SNTG2: variants seen among roughly 807,000 people sequenced by gnomAD.
The protein encoded by SNTG2 is syntrophin gamma 2.
A neutral mutation model predicts 70.9 loss-of-function variants in SNTG2; 74 were observed. The observed-to-expected ratio is 1.04, with a 90% CI of 0.86 to 1.27. The LOEUF (loss-of-function observed/expected upper bound fraction) is 1.27. SNTG2 is among the 50% of genes most tolerant of loss of function. The probability of loss-of-function intolerance (pLI) is 0.00; values close to 1 mark genes in which losing one functional copy is unlikely to be tolerated. For synonymous variants in SNTG2, 278 were observed against 273.8 expected, an observed-to-expected ratio of 1.02 and a Z score of -0.15; for missense variants, 717 against 690.7, an observed-to-expected ratio of 1.04 and a Z score of -0.43.
intron 9 of SNTG2, among the ~76,000 whole-genome samples, chr2:1,225,477 G>C (rs566634661): frequency 1.3e-5 from 2 of 152,184 alleles, no homozygotes; most frequent in Admixed American, 1.3e-4. Flanking sequence ...AAAGTAAGCC[G>C]CAGAAAAGCA....
rs774067419 is a variant in SNTG2 at position 1,209,059 on chromosome 2, C to T, written c.592-44C>T. 5 of 1,604,684 alleles carry T rather than the reference C, an allele frequency of 3.1e-6. No individual in the cohort carries two copies. The Admixed American group carries it at 5.1e-5, about 16-fold the overall frequency. On this transcript the variant is annotated intron_variant, in intron 8 of 16. Coordinates refer to ENST00000308624, the MANE Select transcript of SNTG2 (RefSeq NM_018968.4). ...GCAGATGCCTCTCCCCGCATGCAGC[C>T]TCCTCTGCCTCTGTGACGCTTCATT...
intron 1 of SNTG2, among the ~76,000 whole-genome samples, chr2:1,050,951 C>G (rs1316451230): frequency 1.3e-5 from 2 of 152,142 alleles, no homozygotes; most frequent in African/African-American, 4.8e-5. Flanking sequence ...TTTATTTCAA[C>G]TATTTTTTGT....
chr2:1,144,709 T>A (rs1016954704), intron 6 of SNTG2, among the ~76,000 whole-genome samples: 4 of 152,170 alleles, frequency 2.6e-5, no homozygotes, highest in Non-Finnish European at 5.9e-5. Flanking sequence ...CTGTCAGATC[T>A]CATGAGACTT....
chr2:1,109,226 C>T (rs969243532), intron 4 of SNTG2, among the ~76,000 whole-genome samples: 17 of 151,990 alleles, frequency 1.1e-4, no homozygotes, highest in African/African-American at 3.6e-4. Flanking sequence ...GGTTTGCTCT[C>T]GGTGATCACC....
chr2:975,813 A>G (rs1206758325), intron 1 of SNTG2, among the ~76,000 whole-genome samples: 1 of 152,236 alleles, frequency 6.6e-6, no homozygotes, highest in Non-Finnish European at 1.5e-5. Flanking sequence ...CCATATAGCT[A>G]TTATTACTGT....
At chr2:1,228,198 C>T (rs549608043) in intron 9 of SNTG2, among the ~76,000 whole-genome samples, 149 of 152,356 alleles carry the variant, frequency 9.8e-4, no homozygotes, top group Non-Finnish European at 1.2e-3. Flanking sequence ...TTCGAGCTGG[C>T]GGGGGGCCCT....
chr2:1,005,613 GACCA>G (rs1659538664), intron 1 of SNTG2, among the ~76,000 whole-genome samples: 3 of 151,396 alleles, frequency 2.0e-5, no homozygotes, highest in Non-Finnish European at 4.4e-5. Flanking sequence ...AGACCACTCT[GACCA>G]ACATGGAGAA....
chr2:1,147,453 A>G (rs997274997), intron 6 of SNTG2, among the ~76,000 whole-genome samples: 1 of 152,198 alleles, frequency 6.6e-6, no homozygotes, highest in African/African-American at 2.4e-5. Context: ...CTCCCAGCCT[A>G]CATCTTTCTC....
intron 1 of SNTG2, among the ~76,000 whole-genome samples, chr2:1,025,855 A>T (rs577263553): frequency 5.3e-5 from 8 of 152,310 alleles, no homozygotes; most frequent in African/African-American, 1.4e-4. Flanking sequence ...CCTTTGCCTA[A>T]CATAGACAGC....
At chr2:1,061,755 G>A (rs1662839960) in intron 1 of SNTG2, among the ~76,000 whole-genome samples, 2 of 152,156 alleles carry the variant, frequency 1.3e-5, no homozygotes, top group Non-Finnish European at 1.5e-5. Flanking sequence ...GCTGGATAAC[G>A]TGTTAGCTTG....
In SNTG2 at chr2:1,325,842, T is replaced by G. The variant is rs992787803; in HGVS notation, c.1488+9467T>G. The stretch of plus-strand genomic sequence containing the variant: ...AATATATACCTAGGCATATCAGATT[T>G]TTTTTTTTTGAGATGGAGTCTCACT... On this transcript the variant is annotated intron_variant, in intron 16 of 16. Coordinates refer to ENST00000308624, the MANE Select transcript of SNTG2 (RefSeq NM_018968.4). Among the ~76,000 whole-genome samples, 4 of 152,070 alleles carry G rather than the reference T, an allele frequency of 2.6e-5. No homozygotes were observed. In the South Asian group the frequency reaches 6.2e-4, roughly 24 times the overall value.
At chr2:1,267,621 A>C in intron 14 of SNTG2, 50 bp downstream of exon 14, 1 of 1,504,810 alleles carries the variant, frequency 6.6e-7, no homozygotes, top group African/African-American at 1.4e-5. Flanking sequence ...CGGGTGTCTG[A>C]GACATAGCAT....
rs114519757 is a variant in SNTG2 at position 1,265,443 on chromosome 2, C to T, written c.1078-1922C>T. ...ACACATACACACACACATGTTCTCA[C>T]GTGCACACACCACAAGGCATTTGAT... On this transcript the variant is annotated intron_variant, in intron 13 of 16. Coordinates refer to ENST00000308624, the MANE Select transcript of SNTG2 (RefSeq NM_018968.4). Among the ~76,000 whole-genome samples, 730 of 152,350 alleles carry T rather than the reference C, an allele frequency of 4.8e-3. 4 individuals are homozygous for T. Among genetic ancestry groups the T allele is most frequent in the African/African-American group, 0.016 (676 of 41,592 alleles).
chr2:1,208,982 CT>C (rs10706855), intron 8 of SNTG2, 120 bp from the exon 9 acceptor site: 375,928 of 1,205,922 alleles, frequency 0.31, 63,624 homozygotes, highest in East Asian at 0.65. Flanking sequence ...ACCTCACTTG[CT>C]TTTTTATCAG....
At chr2:1,362,449 C>T (rs956279661) in intron 16 of SNTG2, among the ~76,000 whole-genome samples, 6 of 151,106 alleles carry the variant, frequency 4.0e-5, no homozygotes, top group Admixed American at 4.0e-4. Context: ...GTAGAACTTC[C>T]ATGAAGGTCA....
chr2:1,253,915 CAAG>C (rs1170964709), intron 12 of SNTG2, among the ~76,000 whole-genome samples: 1 of 151,798 alleles, frequency 6.6e-6, no homozygotes, highest in African/African-American at 2.4e-5. Context: ...AACTGTATCA[CAAG>C]AATAGAACCA....
chr2:1,095,510 G>T (rs1184564069), intron 2 of SNTG2, among the ~76,000 whole-genome samples: 4 of 152,098 alleles, frequency 2.6e-5, no homozygotes, highest in African/African-American at 9.7e-5. Context: ...GTTGTTAATG[G>T]TGTAATTTTT....
intron 14 of SNTG2, among the ~76,000 whole-genome samples, chr2:1,285,991 T>C (rs948062663): frequency 6.6e-6 from 1 of 152,250 alleles, no homozygotes; most frequent in Non-Finnish European, 1.5e-5. Context: ...TGATTTCATC[T>C]TGATACTCCA....
At chr2:1,304,685 C>T (rs1309243125) in intron 14 of SNTG2, among the ~76,000 whole-genome samples, 1 of 151,428 alleles carries the variant, frequency 6.6e-6, no homozygotes, top group Non-Finnish European at 1.5e-5. Flanking sequence ...GAGATCACCC[C>T]ACTGCACTCC....
Sources: gnomAD v4.1 joint callset for allele counts (sites outside exome capture counted in the v4.1 genomes callset) on GRCh38, gnomAD v4.1.1 for gene constraint, MANE v1.5 for transcripts, NCBI Gene and HGNC (gene_info 2026-07-23, HGNC 2026-07-21) for gene names.